ZPBP: variants seen among roughly 807,000 people sequenced by gnomAD.
ZPBP encodes the protein zona pellucida-binding protein 1.
ZPBP carries 26 observed loss-of-function variants against 44.8 expected under a neutral mutation model. That is an observed-to-expected ratio of 0.58 (90% CI 0.43 to 0.81). The LOEUF (loss-of-function observed/expected upper bound fraction) is 0.81, where lower values mean the gene tolerates loss of function less well. Among genes scored for constraint, ZPBP ranks in the 30% least tolerant of loss-of-function variants. ZPBP has a pLI of 0.00. For synonymous variants in ZPBP, 174 were observed against 153.2 expected, an observed-to-expected ratio of 1.14 and a Z score of -1.00; for missense variants, 409 against 434.0, an observed-to-expected ratio of 0.94 and a Z score of 0.51.
At chr7:49,961,403 AC>A (rs1463330067) in intron 7 of ZPBP, among the ~76,000 whole-genome samples, 1 of 152,202 alleles carries the variant, frequency 6.6e-6, no homozygotes, top group African/African-American at 2.4e-5. Flanking sequence ...AATTACAAAA[AC>A]ATATGCAAAT....
At chr7:49,929,589 G>A (rs1264654784) in intron 1 of ZPBP, among the ~76,000 whole-genome samples, 1 of 152,232 alleles carries the variant, frequency 6.6e-6, no homozygotes, top group Non-Finnish European at 1.5e-5. Flanking sequence ...ACCTGGATAA[G>A]TACTGAGATG....
At chr7:50,003,315 T>C (rs571448009) in intron 6 of ZPBP, among the ~76,000 whole-genome samples, 14 of 152,258 alleles carry the variant, frequency 9.2e-5, no homozygotes, top group African/African-American at 2.6e-4. Flanking sequence ...CTCTAGAAAC[T>C]AGCTAAGAAG....
downstream of ZPBP, among the ~76,000 whole-genome samples, chr7:49,934,519 A>T (rs948205244): frequency 2.6e-5 from 4 of 152,108 alleles, no homozygotes; most frequent in African/African-American, 9.7e-5. Context: ...CATTTGGTTT[A>T]AAAATGTATA....
At chr7:50,092,888 T>C in intron 1 of ZPBP, 180 bp downstream of exon 1, 1 of 904,994 alleles carries the variant, frequency 1.1e-6, no homozygotes, top group Non-Finnish European at 1.6e-6. Context: ...TTCACTCCTC[T>C]ATGCAAATGC....
intron 7 of ZPBP, among the ~76,000 whole-genome samples, chr7:49,970,097 G>C (rs1244103593): frequency 6.6e-6 from 1 of 152,116 alleles, no homozygotes; most frequent in East Asian, 1.9e-4. Context: ...CCGACCTCAA[G>C]TGATCCACCC....
At chr7:50,062,083 A>G (rs1465327346) in intron 3 of ZPBP, among the ~76,000 whole-genome samples, 1 of 152,220 alleles carries the variant, frequency 6.6e-6, no homozygotes, top group East Asian at 1.9e-4. Context: ...AATGGCCACA[A>G]AAAGAATAAA....
intron 2 of ZPBP, among the ~76,000 whole-genome samples, chr7:49,857,481 G>A (rs1198624797): frequency 6.6e-6 from 1 of 152,186 alleles, no homozygotes; most frequent in Admixed American, 6.5e-5. Flanking sequence ...GAATAGTGCT[G>A]CAATTAACAT....
At chr7:49,845,610 C>A (rs997835409), downstream of ZPBP, among the ~76,000 whole-genome samples, 1 of 152,190 alleles carries the variant, frequency 6.6e-6, no homozygotes, top group Non-Finnish European at 1.5e-5. Flanking sequence ...ACTTCCTACC[C>A]AAAGTCAGTC....
chr7:49,857,252 C>T (rs1450256933), intron 2 of ZPBP, among the ~76,000 whole-genome samples: 3 of 152,164 alleles, frequency 2.0e-5, no homozygotes, highest in Non-Finnish European at 4.4e-5. Context: ...TTTAGCTCCT[C>T]TAGCGACTTT....
intron 2 of ZPBP, among the ~76,000 whole-genome samples, chr7:50,086,571 G>A (rs1207473656): frequency 6.6e-6 from 1 of 151,860 alleles, no homozygotes; most frequent in Non-Finnish European, 1.5e-5. Flanking sequence ...ACTGAAATGG[G>A]AAATTAACTA....
intron 1 of ZPBP, among the ~76,000 whole-genome samples, chr7:49,928,911 G>A (rs1794349438): frequency 6.6e-6 from 1 of 152,174 alleles, no homozygotes; most frequent in Non-Finnish European, 1.5e-5. Context: ...GAATAGCATG[G>A]CTTTCTCTAA....
intron 7 of ZPBP, among the ~76,000 whole-genome samples, chr7:49,981,605 T>C (rs185217598): frequency 0.48 from 25,280 of 52,252 alleles, 7,038 homozygotes; most frequent in Middle Eastern, 0.62. Context: ...TTATATAAAT[T>C]ATATAATTAT....
chr7:49,961,617 A>G (rs1795863064), intron 7 of ZPBP, among the ~76,000 whole-genome samples: 1 of 152,108 alleles, frequency 6.6e-6, no homozygotes, highest in African/African-American at 2.4e-5. Flanking sequence ...CCAAAATAAA[A>G]CAAGTTGTAG....
intron 2 of ZPBP, among the ~76,000 whole-genome samples, chr7:50,085,724 G>C (rs1802601949): frequency 6.6e-6 from 1 of 152,052 alleles, no homozygotes; most frequent in Non-Finnish European, 1.5e-5. Context: ...ATTTAACTTT[G>C]TGACTGCCTG....
At chr7:49,985,093 G>A (rs778105456) in intron 6 of ZPBP, among the ~76,000 whole-genome samples, 2 of 152,152 alleles carry the variant, frequency 1.3e-5, no homozygotes, top group Non-Finnish European at 2.9e-5. Flanking sequence ...ACCCTGTGAT[G>A]GAATGGTACC....
At chr7:49,913,510 A>T (rs894281984) in intron 1 of ZPBP, 1 of 152,184 alleles carries the variant, frequency 6.6e-6, no homozygotes, top group Non-Finnish European at 1.5e-5. Context: ...GGATTAAAAT[A>T]TATATAATCA....
At chr7:49,858,159 T>C (rs1023679953) in intron 2 of ZPBP, among the ~76,000 whole-genome samples, 4 of 152,198 alleles carry the variant, frequency 2.6e-5, no homozygotes, top group Non-Finnish European at 1.5e-5. Flanking sequence ...CCAGCACCTG[T>C]TGCTTCCTGG....
chr7:49,974,889 C>T (rs1003419499), intron 7 of ZPBP, among the ~76,000 whole-genome samples: 12 of 152,244 alleles, frequency 7.9e-5, no homozygotes, highest in Admixed American at 2.6e-4. Flanking sequence ...AGAAATGCCC[C>T]ATTGAGGAGT....
intron 2 of ZPBP, among the ~76,000 whole-genome samples, chr7:49,857,009 C>CAAAAA (rs59910243): frequency 5.5e-4 from 29 of 52,786 alleles, no homozygotes; most frequent in Middle Eastern, 0.016. Context: ...GATACTGTCT[C>CAAAAA]AAAAAAAAAA....
Sources: gnomAD v4.1 joint callset for allele counts (sites outside exome capture counted in the v4.1 genomes callset) on GRCh38, gnomAD v4.1.1 for gene constraint, MANE v1.5 for transcripts, NCBI Gene and HGNC (gene_info 2026-07-23, HGNC 2026-07-21) for gene names.